SKAP1: variants seen among roughly 807,000 people sequenced by gnomAD.
The protein encoded by SKAP1 is src kinase-associated phosphoprotein 1.
Under a neutral mutation model 58.5 loss-of-function variants are expected in SKAP1, and 44 were observed. That is an observed-to-expected ratio of 0.75 (90% CI 0.59 to 0.97). The LOEUF (loss-of-function observed/expected upper bound fraction) is 0.97. Among genes scored for constraint, SKAP1 ranks in the 50% least tolerant of loss-of-function variants. The probability of loss-of-function intolerance (pLI) is 0.00; values close to 1 mark genes in which losing one functional copy is unlikely to be tolerated. For synonymous variants in SKAP1, 127 were observed against 149.7 expected (o/e 0.85, Z 1.11); for missense variants, 390 against 435.2 (o/e 0.90, Z 0.92).
At chr17:48,177,409 T>G (rs1182178001) in intron 9 of SKAP1, among the ~76,000 whole-genome samples, 1 of 152,176 alleles carries the variant, frequency 6.6e-6, no homozygotes, top group Non-Finnish European at 1.5e-5. Context: ...CCTCAGCACA[T>G]CCATCTGAGA....
chr17:48,168,814 A>G (rs1390212679), intron 10 of SKAP1, among the ~76,000 whole-genome samples: 2 of 152,170 alleles, frequency 1.3e-5, no homozygotes, highest in Admixed American at 6.5e-5. Context: ...CCAGACCTCT[A>G]TCTTTTATTG....
Position 48,162,475 on chromosome 17 carries a change from C to T in SKAP1, c.972G>A (p.Leu324=). The change falls in exon 11 of 13, where the codon CTG becomes CTA. Residue 324 remains leucine, a synonymous_variant. Transcript: ENST00000336915. The part of the protein sequence containing the change: ...SFQRGDLIRI[L]SKEYNMYGWW... ...CCACACTTTCTGTCCTTACCTTGCTCAGAATACGGATGAGGTCACCCCGTT... is the reference window on the plus strand; with the variant it reads ...CCACACTTTCTGTCCTTACCTTGCTTAGAATACGGATGAGGTCACCCCGTT... 1 of 1,612,646 alleles carries T rather than the reference C, an allele frequency of 6.2e-7. No homozygotes were observed. Among genetic ancestry groups the T allele is most frequent in the Non-Finnish European group, 8.5e-7 (1 of 1,178,988 alleles).
In SKAP1 at chr17:48,143,305, G is replaced by A. The variant is rs183176949; in HGVS notation, c.979-5968C>T. On this transcript the variant is annotated intron_variant, in intron 11 of 12. Coordinates refer to ENST00000336915, the MANE Select transcript of SKAP1 (RefSeq NM_003726.4). ...TGCCTCCTGGGCTCGAGATTCTCCT[G>A]CCTCAGCCTCCAGAGTAGCTGGGAC... 2.2e-3 allele frequency among the ~76,000 whole-genome samples: 317 copies of A among 147,214 alleles called. 8 individuals carry two copies. Among genetic ancestry groups the A allele is most frequent in the Admixed American group, 0.02 (284 of 14,300 alleles).
At chr17:48,175,760 T>A (rs562596138) in intron 9 of SKAP1, among the ~76,000 whole-genome samples, 166 of 152,322 alleles carry the variant, frequency 1.1e-3, no homozygotes, top group African/African-American at 3.9e-3. Context: ...GAGACATATT[T>A]GAGCAGAATG....
chr17:48,441,965 G>T, the SKAP1 span, among the ~76,000 whole-genome samples: 1 of 152,010 alleles, frequency 6.6e-6, no homozygotes, highest in Non-Finnish European at 1.5e-5. Flanking sequence ...AGCATTTAAC[G>T]CATATCTTGT....
At chr17:48,138,760 C>T (rs1035132099) in intron 11 of SKAP1, among the ~76,000 whole-genome samples, 1 of 152,126 alleles carries the variant, frequency 6.6e-6, no homozygotes, top group Non-Finnish European at 1.5e-5. Flanking sequence ...AAGTGATCCA[C>T]CAGCCTCGGC....
intron 1 of SKAP1, among the ~76,000 whole-genome samples, chr17:48,425,033 G>A (rs930386730): frequency 1.3e-5 from 2 of 152,116 alleles, no homozygotes; most frequent in Admixed American, 6.5e-5. Flanking sequence ...GCTGAGGCAG[G>A]CAGATCATGA....
Position 48,346,021 on chromosome 17 carries a change from A to T in SKAP1, c.179-15T>A. The T allele has an allele frequency of 6.5e-7, 1 of 1,527,202 alleles. No individual in the cohort carries two copies. The highest frequency in any genetic ancestry group is 9.0e-7 in the Non-Finnish European group (1 of 1,114,084). The allele number at this position is 1,527,202 out of a possible 1,614,324, so 94.6% of individuals were successfully genotyped here. A position where few individuals can be genotyped will look rare whatever the true frequency, so the allele number is the denominator to read the frequency against. On this transcript the variant is annotated splice_polypyrimidine_tract_variant and intron_variant, in intron 3 of 12. Transcript: ENST00000336915. ...AATGTCTCCCCCTGAGGGACAAAAA[A>T]GACAGAAAATAAGGTTAATCTTTGG...
At chr17:48,360,085 A>G (rs2066917253) in intron 3 of SKAP1, among the ~76,000 whole-genome samples, 2 of 152,178 alleles carry the variant, frequency 1.3e-5, no homozygotes, top group Non-Finnish European at 2.9e-5. Flanking sequence ...AGTTGGCAAG[A>G]GATTCCACTG....
chr17:48,269,974 T>C lies in SKAP1; in HGVS notation c.280+75931A>G, dbSNP rs1191489608. 3.3e-5 allele frequency among the ~76,000 whole-genome samples: 5 copies of C among 151,982 alleles called. No homozygotes were observed. The South Asian group carries it at 1.0e-3, about 32-fold the overall frequency. On this transcript the variant is annotated intron_variant, in intron 4 of 12. Coordinates refer to ENST00000336915, the MANE Select transcript of SKAP1 (RefSeq NM_003726.4). ...CTAAAAATACAAGATTAGCCAGGCA[T>C]GGTGGCGCATGCCTGTAATCCCAGC...
At chr17:48,424,520 C>A (rs113439585) in intron 1 of SKAP1, among the ~76,000 whole-genome samples, 1 of 151,444 alleles carries the variant, frequency 6.6e-6, no homozygotes, top group Admixed American at 6.6e-5. Context: ...CCACCGCGCC[C>A]GGCCCTCTGG....
At chr17:48,425,214 T>G (rs2067843594) in intron 1 of SKAP1, among the ~76,000 whole-genome samples, 1 of 152,070 alleles carries the variant, frequency 6.6e-6, no homozygotes, top group Admixed American at 6.5e-5. Flanking sequence ...GCCAAGATTG[T>G]GCCACTGCAC....
chr17:48,435,228 C>CT (rs1002810051), upstream of SKAP1, among the ~76,000 whole-genome samples: 1,231 of 145,210 alleles, frequency 8.5e-3, 67 homozygotes, highest in East Asian at 0.16. Flanking sequence ...GTTCCCAATC[C>CT]TTTTTTTTTT....
At chr17:48,384,833 G>A (rs2067256743) in intron 2 of SKAP1, among the ~76,000 whole-genome samples, 1 of 152,186 alleles carries the variant, frequency 6.6e-6, no homozygotes, top group African/African-American at 2.4e-5. Context: ...GCTGTCTGGT[G>A]CCTTGGAGGG....
chr17:48,293,209 GT>G (rs2144089117), intron 4 of SKAP1, among the ~76,000 whole-genome samples: 1 of 152,194 alleles, frequency 6.6e-6, no homozygotes, highest in East Asian at 1.9e-4. Context: ...TATTGTATAT[GT>G]TATAAATAAC....
chr17:48,297,153 A>G (rs1245908537), intron 4 of SKAP1, among the ~76,000 whole-genome samples: 1 of 152,160 alleles, frequency 6.6e-6, no homozygotes, highest in Non-Finnish European at 1.5e-5. Flanking sequence ...CATGACCTAA[A>G]TAGATGGTGG....
intron 3 of SKAP1, among the ~76,000 whole-genome samples, chr17:48,349,284 A>G (rs2066765271): frequency 6.6e-6 from 1 of 152,204 alleles, no homozygotes; most frequent in African/African-American, 2.4e-5. Flanking sequence ...AATGGCCACA[A>G]CTGTAGTCCA....
chr17:48,306,810 A>C (rs2144156291), intron 4 of SKAP1, among the ~76,000 whole-genome samples: 1 of 152,344 alleles, frequency 6.6e-6, no homozygotes, highest in South Asian at 2.1e-4. Flanking sequence ...AATTAAACCA[A>C]AAGTGTAAAA....
intron 2 of SKAP1, among the ~76,000 whole-genome samples, chr17:48,378,841 T>C (rs1315058964): frequency 6.6e-6 from 1 of 151,932 alleles, no homozygotes; most frequent in East Asian, 1.9e-4. Flanking sequence ...CGAATGGAGG[T>C]AAGAAGCAGG....
Sources: gnomAD v4.1 joint callset for allele counts (sites outside exome capture counted in the v4.1 genomes callset) on GRCh38, gnomAD v4.1.1 for gene constraint, MANE v1.5 for transcripts, NCBI Gene and HGNC (gene_info 2026-07-23, HGNC 2026-07-21) for gene names.